The following LRIF1 variants were observed in gnomAD, a reference collection of about 807,000 sequenced individuals.
The protein encoded by LRIF1 is ligand-dependent nuclear receptor-interacting factor 1.
A neutral mutation model predicts 52.7 loss-of-function variants in LRIF1; 32 were observed. That is an observed-to-expected ratio of 0.61 (90% CI 0.46 to 0.82). LRIF1 has a LOEUF of 0.82. LRIF1 is among the 40% of genes least tolerant of loss of function. The pLI is 0.00. For missense variants in LRIF1, 887 were observed against 892.0 expected (o/e 0.99, Z 0.07); for synonymous variants, 323 against 317.4 (o/e 1.02, Z -0.19).
chr1:110,956,473 G>C (rs1421385965), intron 1 of LRIF1, among the ~76,000 whole-genome samples: 1 of 152,154 alleles, frequency 6.6e-6, no homozygotes, highest in Non-Finnish European at 1.5e-5. Flanking sequence ...AAAGTATAGG[G>C]ATAAAATAAA....
At chr1:110,933,107 A>T in the LRIF1 span, among the ~76,000 whole-genome samples, 2 of 152,090 alleles carry the variant, frequency 1.3e-5, no homozygotes, top group Non-Finnish European at 2.9e-5. Context: ...TGTTTCTTTG[A>T]TAAGCCCCCA....
At chr1:110,896,822 T>G in the LRIF1 span, 19 of 1,095,662 alleles carry the variant, frequency 1.7e-5, no homozygotes, top group South Asian at 2.5e-4. Context: ...GACCTAGACC[T>G]TCTATTGAGA....
the LRIF1 span, among the ~76,000 whole-genome samples, chr1:110,918,003 A>G: frequency 6.6e-6 from 1 of 152,216 alleles, no homozygotes; most frequent in Non-Finnish European, 1.5e-5. Flanking sequence ...TTAAATATGT[A>G]AGATTATCTT....
At chr1:110,885,737 G>A in the LRIF1 span, among the ~76,000 whole-genome samples, 1 of 151,354 alleles carries the variant, frequency 6.6e-6, no homozygotes, top group Non-Finnish European at 1.5e-5. Flanking sequence ...GGTGGTGCAT[G>A]CCTGTAATCC....
intron 3 of LRIF1, among the ~76,000 whole-genome samples, chr1:110,949,141 CAG>C (rs1317855206): frequency 5.3e-5 from 8 of 151,420 alleles, no homozygotes; most frequent in South Asian, 2.1e-4. Flanking sequence ...TTTTTTGAGA[CAG>C]AGTTTCGTTC....
chr1:110,882,734 C>T, the LRIF1 span, among the ~76,000 whole-genome samples: 1 of 151,970 alleles, frequency 6.6e-6, no homozygotes, highest in Non-Finnish European at 1.5e-5. Context: ...TTTTCAATTT[C>T]TTTCAGCAAT....
chr1:110,880,389 G>A, the LRIF1 span: 1 of 152,090 alleles, frequency 6.6e-6, no homozygotes, highest in Non-Finnish European at 1.5e-5. Flanking sequence ...GAAAGTGGGA[G>A]AGGAAGGAAG....
intron 3 of LRIF1, among the ~76,000 whole-genome samples, chr1:110,949,272 C>T (rs1470610411): frequency 2.0e-5 from 3 of 151,936 alleles, no homozygotes; most frequent in African/African-American, 7.3e-5. Flanking sequence ...GTGCGTGCTA[C>T]CTCACCCAGC....
At chr1:110,881,676 A>G in the LRIF1 span, among the ~76,000 whole-genome samples, 1 of 152,220 alleles carries the variant, frequency 6.6e-6, no homozygotes, top group African/African-American at 2.4e-5. Context: ...TTTGTACAAA[A>G]CGAGCAAACT....
Position 110,951,733 on chromosome 1 carries a change from G to A in LRIF1, c.1151C>T (p.Ser384Phe). 2.5e-6 allele frequency: 4 copies of A among 1,613,730 alleles called. No homozygotes were observed. Among genetic ancestry groups the A allele is most frequent in the Non-Finnish European group, 3.4e-6 (4 of 1,180,014 alleles). ...TCTTACTGGAGTATCAGGAGAAACA[G>A]AATTCTGTTGGTCAATTTGTGATGG... ...VLPSQIDQQNSVSPDTPVRKD... is the reference protein window; with the variant it reads ...VLPSQIDQQNFVSPDTPVRKD... Residue 384 changes from serine (S) to phenylalanine (F), a missense_variant, in exon 2 of 4, where the codon TCT (serine) becomes TTT (phenylalanine). Ser to Phe is a radical substitution (Grantham distance 155). Coordinates refer to ENST00000369763, the MANE Select transcript of LRIF1 (RefSeq NM_018372.4).
At chr1:110,955,901 A>G (rs1016281731) in intron 1 of LRIF1, among the ~76,000 whole-genome samples, 2 of 152,174 alleles carry the variant, frequency 1.3e-5, no homozygotes, top group Non-Finnish European at 2.9e-5. Context: ...ACACAATGAG[A>G]AGGAGGCAGG....
At chr1:110,894,966 G>A in the LRIF1 span, 1 of 1,613,590 alleles carries the variant, frequency 6.2e-7, no homozygotes, top group Non-Finnish European at 8.5e-7. Context: ...CCAGCTGAAT[G>A]AGTATGTGGC....
At chr1:110,937,666 G>T in the LRIF1 span, 36 of 152,020 alleles carry the variant, frequency 2.4e-4, no homozygotes, top group African/African-American at 8.7e-4. Flanking sequence ...GCATCTTAAA[G>T]AACTAGAAAA....
At chr1:110,901,477 CTTT>C in the LRIF1 span, among the ~76,000 whole-genome samples, 15 of 115,882 alleles carry the variant, frequency 1.3e-4, no homozygotes, top group South Asian at 3.0e-4. Flanking sequence ...CGCACCCGGC[CTTT>C]TTTTTTTTTT....
the LRIF1 span, among the ~76,000 whole-genome samples, chr1:110,874,981 T>C: frequency 6.6e-6 from 1 of 152,202 alleles, no homozygotes. Flanking sequence ...GAGTTTATTA[T>C]GGATGACAGT....
In LRIF1 at chr1:110,952,505, T is replaced by C. The variant is rs1017663587; in HGVS notation, c.379A>G (p.Asn127Asp). Residue 127 changes from asparagine (N) to aspartate (D), a missense_variant, in exon 2 of 4, where the codon AAT (asparagine) becomes GAT (aspartate). Asn to Asp is a conservative substitution (Grantham distance 23). Coordinates refer to ENST00000369763, the MANE Select transcript of LRIF1 (RefSeq NM_018372.4). ...KGRVTSVGTG[N>D]FSSSVSKVQS... ...ACTTTAGAAACTGATGAAGAAAAAT[T>C]TCCAGTTCCCACAGAAGTAACTCTA... The C allele has an allele frequency of 4.3e-6, 7 of 1,613,312 alleles. No individual in the cohort carries two copies. The highest frequency in any genetic ancestry group is 4.2e-6 in the Non-Finnish European group (5 of 1,179,422).
the LRIF1 span, among the ~76,000 whole-genome samples, chr1:110,927,949 T>C: frequency 6.6e-6 from 1 of 152,204 alleles, no homozygotes; most frequent in African/African-American, 2.4e-5. Context: ...ATCTTTTCCT[T>C]CATCTTATAC....
intron 1 of LRIF1, among the ~76,000 whole-genome samples, chr1:110,959,736 C>CAAAA (rs11320169): frequency 5.2e-3 from 281 of 53,894 alleles, no homozygotes; most frequent in Non-Finnish European, 6.7e-3. Flanking sequence ...GACTCCATCT[C>CAAAA]AAAAAAAAAA....
At chr1:110,896,480 A>G in the LRIF1 span, among the ~76,000 whole-genome samples, 1 of 152,330 alleles carries the variant, frequency 6.6e-6, no homozygotes, top group South Asian at 2.1e-4. Flanking sequence ...TGTGAATGAA[A>G]TGGTATAACA....
Sources: gnomAD v4.1 joint callset for allele counts (sites outside exome capture counted in the v4.1 genomes callset) on GRCh38, gnomAD v4.1.1 for gene constraint, MANE v1.5 for transcripts, NCBI Gene and HGNC (gene_info 2026-07-23, HGNC 2026-07-21) for gene names.